MAGI2: variants seen among roughly 807,000 people sequenced by gnomAD.
MAGI2 encodes the protein membrane associated guanylate kinase, WW and PDZ domain containing 2.
MAGI2 carries 35 observed loss-of-function variants against 133.3 expected under a neutral mutation model. The observed-to-expected ratio is 0.26, with a 90% CI of 0.20 to 0.35. The LOEUF is 0.35. Ranked by LOEUF, MAGI2 falls within the 10% of genes least tolerant of loss-of-function variation. The probability of loss-of-function intolerance (pLI) is 1.00; values close to 1 mark genes in which losing one functional copy is unlikely to be tolerated. For missense variants in MAGI2, 1,636 were observed against 1,863.4 expected, an observed-to-expected ratio of 0.88 and a Z score of 2.25; for synonymous variants, 729 against 710.6, an observed-to-expected ratio of 1.03 and a Z score of -0.41.
At chr7:78,298,391 CATT>C (rs1190271904) in intron 9 of MAGI2, among the ~76,000 whole-genome samples, 5 of 152,180 alleles carry the variant, frequency 3.3e-5, no homozygotes, top group Non-Finnish European at 5.9e-5. Context: ...AATACCACAT[CATT>C]GTTGGTTCAT....
At chr7:78,265,680 C>T (rs1373178159) in intron 9 of MAGI2, among the ~76,000 whole-genome samples, 2 of 152,190 alleles carry the variant, frequency 1.3e-5, no homozygotes, top group African/African-American at 2.4e-5. Flanking sequence ...CCCCAACCCC[C>T]ACTCCAAAAA....
chr7:78,671,888 C>G (rs1814435213), intron 2 of MAGI2, among the ~76,000 whole-genome samples: 1 of 152,122 alleles, frequency 6.6e-6, no homozygotes, highest in Non-Finnish European at 1.5e-5. Flanking sequence ...CTCTATATTT[C>G]TATGTGATGA....
chr7:78,523,566 CTCACATTT>C (rs1302952549), intron 3 of MAGI2, among the ~76,000 whole-genome samples: 7 of 152,114 alleles, frequency 4.6e-5, no homozygotes, highest in Non-Finnish European at 8.8e-5. Context: ...GTTTAATTGA[CTCACATTT>C]TCACAAGGCT....
chr7:78,057,703 G>A (rs550771672), intron 21 of MAGI2, among the ~76,000 whole-genome samples: 2 of 152,104 alleles, frequency 1.3e-5, no homozygotes, highest in East Asian at 1.9e-4. Flanking sequence ...ACATGCCTTG[G>A]AGCTTTGGAT....
intron 3 of MAGI2, among the ~76,000 whole-genome samples, chr7:78,573,536 T>C (rs913781377): frequency 8.3e-5 from 12 of 145,336 alleles, no homozygotes; most frequent in Admixed American, 3.6e-4. Context: ...GCCTTTCGGG[T>C]CGCTTGATAA....
At chr7:78,161,297 G>T (rs117311529) in intron 15 of MAGI2, among the ~76,000 whole-genome samples, 3 of 152,056 alleles carry the variant, frequency 2.0e-5, no homozygotes, top group Non-Finnish European at 4.4e-5. Flanking sequence ...AAAGAATTTC[G>T]TCATTTTAAT....
intron 21 of MAGI2, among the ~76,000 whole-genome samples, chr7:78,064,231 C>A (rs1305598857): frequency 6.6e-6 from 1 of 152,054 alleles, no homozygotes; most frequent in Non-Finnish European, 1.5e-5. Flanking sequence ...GTAGTTTTCC[C>A]TGATCAGCAA....
intron 1 of MAGI2, among the ~76,000 whole-genome samples, chr7:79,222,268 C>T (rs780334829): frequency 6.6e-6 from 1 of 151,674 alleles, no homozygotes; most frequent in Non-Finnish European, 1.5e-5. Flanking sequence ...TTTTGGTAGC[C>T]AAAGTGTCAA....
chr7:78,870,096 C>G (rs1265489666), intron 2 of MAGI2, among the ~76,000 whole-genome samples: 1 of 151,880 alleles, frequency 6.6e-6, no homozygotes, highest in African/African-American at 2.4e-5. Context: ...CTATAAGGAA[C>G]TCCAACAAAT....
intron 9 of MAGI2, among the ~76,000 whole-genome samples, chr7:78,287,722 T>C (rs1024680327): frequency 2.0e-5 from 3 of 152,176 alleles, no homozygotes; most frequent in African/African-American, 7.2e-5. Flanking sequence ...CTTCCTGTAC[T>C]CATATTTTAG....
chr7:78,792,296 T>A (rs1465823619), intron 2 of MAGI2, among the ~76,000 whole-genome samples: 1 of 152,206 alleles, frequency 6.6e-6, no homozygotes, highest in Non-Finnish European at 1.5e-5. Context: ...GTTGTCCACG[T>A]CATATTTCCA....
At chr7:78,763,516 A>C (rs780205341) in intron 2 of MAGI2, among the ~76,000 whole-genome samples, 1 of 152,204 alleles carries the variant, frequency 6.6e-6, no homozygotes, top group Non-Finnish European at 1.5e-5. Flanking sequence ...GTTGTCTATG[A>C]TATTTCGAAG....
At chr7:78,467,217 G>A (rs950490734) in intron 6 of MAGI2, among the ~76,000 whole-genome samples, 3 of 151,968 alleles carry the variant, frequency 2.0e-5, no homozygotes, top group African/African-American at 4.8e-5. Context: ...GTTTACATTC[G>A]TTAAATTTTA....
Position 79,453,614 on chromosome 7 carries a change from C to T in MAGI2, c.-294G>A, listed in dbSNP as rs1586045002. Reference sequence around the variant, plus strand: ...GAGGAAGCAGTGGTGGTGGCGTCGGCGGCGGCGGCGGCGGCAGCCGGAGCG... The same window carrying T: ...GAGGAAGCAGTGGTGGTGGCGTCGGTGGCGGCGGCGGCGGCAGCCGGAGCG... On this transcript the variant is annotated 5_prime_UTR_variant, in exon 1 of 22. Transcript: ENST00000354212. 1.0e-6 allele frequency: 1 copy of T among 957,666 alleles called. No individual in the cohort carries two copies. Among genetic ancestry groups the T allele is most frequent in the Middle Eastern group, 5.0e-4 (1 of 1,990 alleles). The allele number at this position is 957,666 out of a possible 1,614,324, so 59.3% of individuals were successfully genotyped here.
At chr7:78,916,533 A>T (rs775177638) in intron 2 of MAGI2, among the ~76,000 whole-genome samples, 106 of 152,304 alleles carry the variant, frequency 7.0e-4, no homozygotes, top group Non-Finnish European at 1.3e-3. Flanking sequence ...ATACAAAGTA[A>T]ATTCACCCTA....
intron 15 of MAGI2, among the ~76,000 whole-genome samples, chr7:78,166,382 G>C (rs1250916406): frequency 2.6e-5 from 4 of 152,220 alleles, no homozygotes; most frequent in Admixed American, 6.5e-5. Context: ...TGCGGGGAGA[G>C]AGACAGTTAA....
chr7:78,943,031 A>G (rs1801114640), intron 2 of MAGI2, among the ~76,000 whole-genome samples: 1 of 152,122 alleles, frequency 6.6e-6, no homozygotes, highest in South Asian at 2.1e-4. Context: ...CTAATTTGCC[A>G]AGAAATAGTT....
At chr7:79,206,077 C>T (rs1267761366) in intron 1 of MAGI2, among the ~76,000 whole-genome samples, 2 of 150,982 alleles carry the variant, frequency 1.3e-5, no homozygotes, top group Admixed American at 6.6e-5. Context: ...ACAGCAAAAG[C>T]AGATATGAGA....
intron 6 of MAGI2, among the ~76,000 whole-genome samples, chr7:78,476,692 A>G (rs566097554): frequency 6.6e-6 from 1 of 152,090 alleles, no homozygotes; most frequent in African/African-American, 2.4e-5. Context: ...GTTCCCACAA[A>G]GAGCACATAA....
Sources: gnomAD v4.1 joint callset for allele counts (sites outside exome capture counted in the v4.1 genomes callset) on GRCh38, gnomAD v4.1.1 for gene constraint, MANE v1.5 for transcripts, NCBI Gene and HGNC (gene_info 2026-07-23, HGNC 2026-07-21) for gene names.